The following LEMD1 variants were observed in gnomAD, a reference collection of about 807,000 sequenced individuals.
LEMD1 encodes the protein LEM domain-containing protein 1.
LEMD1 carries 18 observed loss-of-function variants against 17.4 expected under a neutral mutation model. The observed-to-expected ratio is 1.04, with a 90% CI of 0.72 to 1.54. The LOEUF is 1.54. Ranked by LOEUF, LEMD1 falls within the 40% of genes most tolerant of loss-of-function variation. LEMD1 has a pLI of 0.00. For missense variants in LEMD1, 195 were observed against 210.4 expected (o/e 0.93, Z 0.45); for synonymous variants, 88 against 77.8 (o/e 1.13, Z -0.69).
At chr1:205,387,653 G>T (rs1225488279) in intron 4 of LEMD1, among the ~76,000 whole-genome samples, 1 of 152,196 alleles carries the variant, frequency 6.6e-6, no homozygotes, top group Non-Finnish European at 1.5e-5. Flanking sequence ...AATCTGCAAA[G>T]ATGGCTGTTT....
At chr1:205,435,168 T>C (rs1202271650) in intron 1 of LEMD1, 2 of 152,246 alleles carry the variant, frequency 1.3e-5, no homozygotes, top group Non-Finnish European at 2.9e-5. Context: ...GCCAGGGTTG[T>C]GGTCTTGAGG....
chr1:205,418,376 G>A (rs1168787013), intron 3 of LEMD1, among the ~76,000 whole-genome samples: 3 of 152,130 alleles, frequency 2.0e-5, no homozygotes, highest in Non-Finnish European at 2.9e-5. Context: ...CCAGAGCAGG[G>A]GCCACTGTCA....
At chr1:205,388,159 A>G (rs934436895) in intron 4 of LEMD1, among the ~76,000 whole-genome samples, 2 of 151,914 alleles carry the variant, frequency 1.3e-5, no homozygotes, top group South Asian at 4.1e-4. Context: ...AACATCTATT[A>G]TCTTGGGCAT....
chr1:205,400,843 T>TTCC (rs770908821), intron 4 of LEMD1, among the ~76,000 whole-genome samples: 1 of 79,692 alleles, frequency 1.3e-5, no homozygotes, highest in Non-Finnish European at 2.5e-5. Flanking sequence ...ATGCTATCCC[T>TTCC]CCCCCCCCCC....
At chr1:205,445,730 G>C (rs1241395375) in intron 1 of LEMD1, among the ~76,000 whole-genome samples, 1 of 152,204 alleles carries the variant, frequency 6.6e-6, no homozygotes, top group Non-Finnish European at 1.5e-5. Context: ...GCTCGGCAGA[G>C]GCTGGCCCAC....
At chr1:205,414,949 A>C (rs1174863700) in intron 4 of LEMD1, among the ~76,000 whole-genome samples, 2 of 152,170 alleles carry the variant, frequency 1.3e-5, no homozygotes, top group African/African-American at 4.8e-5. Context: ...AAGAGACAGA[A>C]GGGATGGATT....
At chr1:205,382,086 T>C (rs2102326004) in intron 5 of LEMD1, 3 of 536,490 alleles carry the variant, frequency 5.6e-6, no homozygotes, top group Non-Finnish European at 1.0e-5. Context: ...ACTGCAGCCT[T>C]AACCTCCTGG....
intron 1 of LEMD1, among the ~76,000 whole-genome samples, chr1:205,445,654 G>A (rs1666375915): frequency 6.6e-6 from 1 of 152,226 alleles, no homozygotes; most frequent in South Asian, 2.1e-4. Context: ...CTTGGGAGCT[G>A]GAGAGGTCAG....
At chr1:205,429,830 G>A (rs1414150683) in intron 1 of LEMD1, among the ~76,000 whole-genome samples, 1 of 152,152 alleles carries the variant, frequency 6.6e-6, no homozygotes, top group African/African-American at 2.4e-5. Flanking sequence ...GTCTGGGAAT[G>A]AATCCTGGAC....
At chr1:205,435,099 C>T (rs1666183406) in intron 1 of LEMD1, 1 of 152,198 alleles carries the variant, frequency 6.6e-6, no homozygotes, top group Non-Finnish European at 1.5e-5. Context: ...GGAAGAACCT[C>T]AGTGCAGGAG....
At chr1:205,409,331 G>A (rs530344944) in intron 4 of LEMD1, among the ~76,000 whole-genome samples, 74 of 152,248 alleles carry the variant, frequency 4.9e-4, no homozygotes, top group Non-Finnish European at 8.4e-4. Context: ...CACTAAGTAT[G>A]TTGTGTTGTA....
chr1:205,440,397 AG>A (rs1489455562), intron 1 of LEMD1, among the ~76,000 whole-genome samples: 1 of 152,206 alleles, frequency 6.6e-6, no homozygotes, highest in Non-Finnish European at 1.5e-5. Context: ...GGATGCTGGC[AG>A]GGGGCTGGAA....
At chr1:205,422,528 G>A (rs1217408060), upstream of LEMD1, among the ~76,000 whole-genome samples, 1 of 152,196 alleles carries the variant, frequency 6.6e-6, no homozygotes, top group Non-Finnish European at 1.5e-5. Flanking sequence ...GAAGTTTGAT[G>A]GATTTGGCCT....
At chr1:205,388,169 T>C (rs1052709509) in intron 4 of LEMD1, among the ~76,000 whole-genome samples, 2 of 152,082 alleles carry the variant, frequency 1.3e-5, no homozygotes, top group Non-Finnish European at 2.9e-5. Context: ...ATCTTGGGCA[T>C]TTAACATACT....
At chr1:205,410,395 A>G (rs1216092262) in intron 4 of LEMD1, among the ~76,000 whole-genome samples, 1 of 152,146 alleles carries the variant, frequency 6.6e-6, no homozygotes, top group African/African-American at 2.4e-5. Context: ...AGGGGTGGAA[A>G]CTCTGTTGCA....
chr1:205,400,560 G>A (rs1334873376), intron 4 of LEMD1, among the ~76,000 whole-genome samples: 1 of 152,184 alleles, frequency 6.6e-6, no homozygotes, highest in Admixed American at 6.5e-5. Flanking sequence ...TCACCCTTGT[G>A]ATGTGATACA....
intron 4 of LEMD1, among the ~76,000 whole-genome samples, chr1:205,393,992 T>C (rs2102363413): frequency 6.6e-6 from 1 of 152,230 alleles, no homozygotes; most frequent in South Asian, 2.1e-4. Flanking sequence ...CAAATTGTGG[T>C]ATATACATAT....
At chr1:205,430,601 C>A (rs930149830) in intron 1 of LEMD1, among the ~76,000 whole-genome samples, 2 of 152,204 alleles carry the variant, frequency 1.3e-5, no homozygotes, top group African/African-American at 4.8e-5. Context: ...AATGGCAGAC[C>A]ACGCGGACGC....
intron 3 of LEMD1, among the ~76,000 whole-genome samples, chr1:205,416,771 C>T (rs1281721027): frequency 2.0e-5 from 3 of 152,188 alleles, no homozygotes; most frequent in African/African-American, 7.2e-5. Context: ...TGCAAAGAAG[C>T]ATTTTGATAA....
Sources: gnomAD v4.1 joint callset for allele counts (sites outside exome capture counted in the v4.1 genomes callset) on GRCh38, gnomAD v4.1.1 for gene constraint, MANE v1.5 for transcripts, NCBI Gene and HGNC (gene_info 2026-07-23, HGNC 2026-07-21) for gene names.